Variants in AGBL4 observed in about 807,000 individuals in gnomAD.
AGBL4 encodes the protein AGBL carboxypeptidase 4.
A neutral mutation model predicts 66.4 loss-of-function variants in AGBL4; 58 were observed. The ratio of observed to expected loss-of-function variants is 0.87; its 90% CI spans 0.71 to 1.09. The LOEUF (loss-of-function observed/expected upper bound fraction) is 1.09, where lower values mean the gene tolerates loss of function less well. AGBL4 is among the 50% of genes least tolerant of loss of function. The pLI is 0.00. For missense variants in AGBL4, 579 were observed against 631.0 expected (o/e 0.92, Z 0.88); for synonymous variants, 234 against 222.9 (o/e 1.05, Z -0.44).
intron 1 of AGBL4, among the ~76,000 whole-genome samples, chr1:49,993,255 G>C (rs373807499): frequency 2.0e-5 from 3 of 152,086 alleles, no homozygotes; most frequent in Non-Finnish European, 4.4e-5. Context: ...AAATTACAAA[G>C]GTAGATTACA....
intron 12 of AGBL4, 48 bp from the exon 13 acceptor site, chr1:48,534,964 T>C (rs1643945125): frequency 6.6e-7 from 1 of 1,517,884 alleles, no homozygotes; most frequent in Admixed American, 2.0e-5. Context: ...TAGGCTCTAG[T>C]AAATGGAAGT....
At chr1:49,301,200 A>T (rs1036865882) in intron 3 of AGBL4, among the ~76,000 whole-genome samples, 3 of 152,206 alleles carry the variant, frequency 2.0e-5, no homozygotes, top group African/African-American at 7.2e-5. Context: ...CTATCAAATG[A>T]TTCTGGGCTG....
chr1:49,511,397 T>C (rs36141602), intron 3 of AGBL4, among the ~76,000 whole-genome samples: 61,886 of 142,254 alleles, frequency 0.44, 15,634 homozygotes, highest in Non-Finnish European at 0.57. Context: ...TAGGTGGGAA[T>C]TGAACAATGA....
chr1:48,528,321 G>C (rs1401353694), downstream of AGBL4, among the ~76,000 whole-genome samples: 1 of 152,128 alleles, frequency 6.6e-6, no homozygotes, highest in Admixed American at 6.5e-5. Context: ...CTTCCAACCT[G>C]AGCAATTAGA....
At chr1:49,879,413 C>CTT (rs1450607798) in intron 1 of AGBL4, among the ~76,000 whole-genome samples, 47 of 148,666 alleles carry the variant, frequency 3.2e-4, no homozygotes, top group Middle Eastern at 6.9e-3. Flanking sequence ...TTCTCCTTCA[C>CTT]TTATGAAGCT....
intron 3 of AGBL4, among the ~76,000 whole-genome samples, chr1:49,419,974 C>T (rs2148640459): frequency 6.6e-6 from 1 of 152,218 alleles, no homozygotes; most frequent in South Asian, 2.1e-4. Context: ...AGAATCTCAG[C>T]CCCTGTAGCA....
intron 6 of AGBL4, among the ~76,000 whole-genome samples, chr1:48,675,554 A>G (rs763498999): frequency 4.6e-5 from 7 of 152,224 alleles, no homozygotes; most frequent in Non-Finnish European, 8.8e-5. Context: ...AGTCCTCAAT[A>G]ATGGATTTTA....
At chr1:48,993,413 G>A (rs1315254752) in intron 5 of AGBL4, among the ~76,000 whole-genome samples, 1 of 152,156 alleles carries the variant, frequency 6.6e-6, no homozygotes, top group African/African-American at 2.4e-5. Flanking sequence ...AAAGGGGTCT[G>A]TGTTGGAGCT....
chr1:48,931,815 G>A (rs888531086), intron 5 of AGBL4, among the ~76,000 whole-genome samples: 3 of 152,094 alleles, frequency 2.0e-5, no homozygotes, highest in Non-Finnish European at 2.9e-5. Flanking sequence ...GGCCTCTGTG[G>A]CATTTTTTTC....
At chr1:49,966,747 C>T (rs1657598457) in intron 1 of AGBL4, among the ~76,000 whole-genome samples, 1 of 152,076 alleles carries the variant, frequency 6.6e-6, no homozygotes, top group African/African-American at 2.4e-5. Context: ...CACAAAGTAA[C>T]CACTCAGTAA....
At chr1:49,525,299 A>G (rs543624368) in intron 3 of AGBL4, among the ~76,000 whole-genome samples, 3 of 152,168 alleles carry the variant, frequency 2.0e-5, no homozygotes, top group Admixed American at 2.0e-4. Context: ...ATATAATAGG[A>G]TTATATACAA....
chr1:49,401,092 C>T (rs1410718165), intron 3 of AGBL4, among the ~76,000 whole-genome samples: 1 of 151,960 alleles, frequency 6.6e-6, no homozygotes, highest in Non-Finnish European at 1.5e-5. Context: ...GAAGAAATAC[C>T]CAAGACTGGG....
intron 1 of AGBL4, among the ~76,000 whole-genome samples, chr1:49,972,042 C>T (rs956872968): frequency 2.0e-5 from 3 of 149,956 alleles, no homozygotes; most frequent in African/African-American, 2.5e-5. Context: ...CTCAGCCTCC[C>T]GAGTAGCTGG....
At chr1:49,948,213 AAT>A (rs1241461542) in intron 1 of AGBL4, among the ~76,000 whole-genome samples, 5 of 65,218 alleles carry the variant, frequency 7.7e-5, no homozygotes, top group African/African-American at 1.5e-4. Flanking sequence ...TAAATATATA[AAT>A]ATATATAAAT....
intron 2 of AGBL4, among the ~76,000 whole-genome samples, chr1:49,751,634 A>G (rs6701761): frequency 0.69 from 104,411 of 152,034 alleles, 36,625 homozygotes; most frequent in African/African-American, 0.79. Flanking sequence ...TCTGTTGCTT[A>G]GAATAGTTTT....
chr1:49,244,733 C>T (rs1265008338), intron 4 of AGBL4, among the ~76,000 whole-genome samples: 1 of 151,728 alleles, frequency 6.6e-6, no homozygotes, highest in African/African-American at 2.4e-5. Flanking sequence ...TAATAGATGC[C>T]ATTTATTGAG....
chr1:49,038,293 A>C (rs549455724), intron 5 of AGBL4, among the ~76,000 whole-genome samples: 19 of 152,242 alleles, frequency 1.2e-4, no homozygotes, highest in African/African-American at 4.6e-4. Flanking sequence ...AAAGTAAAGC[A>C]GACTTGAAAA....
chr1:49,320,906 C>A (rs1413269560), intron 3 of AGBL4, among the ~76,000 whole-genome samples: 1 of 152,030 alleles, frequency 6.6e-6, no homozygotes. Context: ...CACAAGGTGG[C>A]AGGAGAGAGA....
At position 49,888,137 on chromosome 1, in the gene AGBL4, T is replaced by C. The variant is rs1056783737; in HGVS notation, c.35-36619A>G. Among the ~76,000 whole-genome samples, 9 of 152,100 alleles carry C rather than the reference T, an allele frequency of 5.9e-5. No homozygotes were observed. The East Asian group carries it at 1.2e-3, about 20-fold the overall frequency. On this transcript the variant is annotated intron_variant, in intron 1 of 13. Coordinates refer to ENST00000371839, the MANE Select transcript of AGBL4 (RefSeq NM_032785.4). ...AAGCCAAAATTAACAAAGATAAACA[T>C]AGATCATGCACAGATCTTGCATTTA...
Sources: gnomAD v4.1 joint callset for allele counts (sites outside exome capture counted in the v4.1 genomes callset) on GRCh38, gnomAD v4.1.1 for gene constraint, MANE v1.5 for transcripts, NCBI Gene and HGNC (gene_info 2026-07-23, HGNC 2026-07-21) for gene names.